MPP4: variants seen among roughly 807,000 people sequenced by gnomAD.
MPP4 encodes MAGUK p55 subfamily member 4.
Under a neutral mutation model 98.3 loss-of-function variants are expected in MPP4, and 91 were observed. The ratio of observed to expected loss-of-function variants is 0.93; its 90% confidence interval spans 0.78 to 1.10. The LOEUF (loss-of-function observed/expected upper bound fraction) is 1.10, where lower values mean the gene tolerates loss of function less well. Among genes scored for constraint, MPP4 ranks in the 50% least tolerant of loss-of-function variants. The pLI is 0.00. For synonymous variants in MPP4, 261 were observed against 271.8 expected (o/e 0.96, Z 0.39); for missense variants, 744 against 792.9 (o/e 0.94, Z 0.74).
intron 3 of MPP4, among the ~76,000 whole-genome samples, chr2:201,691,078 G>A (rs1045288675): frequency 6.6e-6 from 1 of 152,204 alleles, no homozygotes; most frequent in African/African-American, 2.4e-5. Flanking sequence ...CCGCATTCAG[G>A]TTTACCTGGA....
chr2:201,681,563 A>C lies in MPP4; in HGVS notation c.665T>G (p.Met222Arg), dbSNP rs374067574. Residue 222 changes from methionine (M) to arginine (R), a missense_variant, in exon 9 of 22, where the codon ATG (methionine) becomes AGG (arginine). Met to Arg is a moderately conservative substitution (Grantham distance 91). Coordinates refer to ENST00000409474, the MANE Select transcript of MPP4 (RefSeq NM_033066.3). The part of the protein sequence containing the change: ...DPEQVIHILA[M>R]SRGTIMFKVV... ...CTTGAACATGATTGTGCCTCGAGAC[A>C]TGGCCTGGAAAATAAGAGAGGAGAA... 1 of 1,612,846 alleles carries C rather than the reference A, an allele frequency of 6.2e-7. No homozygotes were observed. Among genetic ancestry groups the C allele is most frequent in the African/African-American group, 1.3e-5 (1 of 74,870 alleles).
intron 13 of MPP4, 162 bp from the exon 14 acceptor site, chr2:201,664,263 CAT>C: frequency 6.7e-7 from 1 of 1,482,380 alleles, no homozygotes; most frequent in Non-Finnish European, 9.1e-7. Flanking sequence ...GTCTCTATGG[CAT>C]ATATCAGCTT....
In MPP4 at chr2:201,693,858, A is replaced by G; in HGVS notation, c.79+18T>C. ...ATATTACTTTCTGGTCTAGAAAAGG[A>G]GTCCTGGTGACACATACCATTCTGT... On this transcript the variant is annotated intron_variant, in intron 2 of 21. Coordinates refer to ENST00000409474, the MANE Select transcript of MPP4 (RefSeq NM_033066.3). 1.2e-6 allele frequency: 2 copies of G among 1,613,838 alleles called. No individual in the cohort carries two copies. The highest frequency in any genetic ancestry group is 1.7e-6 in the Non-Finnish European group (2 of 1,179,706).
rs992621762 is a variant in MPP4 at position 201,666,382 on chromosome 2, A to T, written c.1013-10T>A. 8 of 1,531,678 alleles carry T rather than the reference A, an allele frequency of 5.2e-6. No individual in the cohort carries two copies. Among genetic ancestry groups the T allele is most frequent in the Non-Finnish European group, 7.0e-6 (8 of 1,136,578 alleles). The allele number at this position is 1,531,678 out of a possible 1,614,324, so 94.9% of individuals were successfully genotyped here. On this transcript the variant is annotated splice_polypyrimidine_tract_variant and intron_variant, in intron 12 of 21. Coordinates refer to ENST00000409474, the MANE Select transcript of MPP4 (RefSeq NM_033066.3). ...ATCTTCATGTCATCTTCTATAAAAG[A>T]GTATAGAAAGGGAGAAACAGAATTT...
chr2:201,663,149 T>C (rs557211837), intron 14 of MPP4, among the ~76,000 whole-genome samples: 6 of 152,372 alleles, frequency 3.9e-5, no homozygotes, highest in Non-Finnish European at 5.9e-5. Context: ...GTAATGACTG[T>C]CTTCTAAACC....
At chr2:201,664,296 C>A in intron 13 of MPP4, 195 bp from the exon 14 acceptor site, 1 of 1,462,038 alleles carries the variant, frequency 6.8e-7, no homozygotes, top group Non-Finnish European at 9.2e-7. Flanking sequence ...ACATGGTATT[C>A]GGCAGTTGAG....
rs1198026392 is a variant in MPP4 at position 201,666,364 on chromosome 2, T to C, written c.1021A>G (p.Met341Val). Reference protein sequence around the residue: ...LSISMEEEDDMKIDEKCVEAD... With the variant: ...LSISMEEEDDVKIDEKCVEAD... ...TCCACACATTTCTCATCAATCTTCATGTCATCTTCTATAAAAGAGTATAGA... is the reference window on the plus strand; with the variant it reads ...TCCACACATTTCTCATCAATCTTCACGTCATCTTCTATAAAAGAGTATAGA... The change falls in exon 13 of 22, where the codon ATG becomes GTG. Residue 341 changes from methionine (M) to valine (V), a missense_variant. Physicochemically the swap from Met to Val is conservative, Grantham distance 21. Transcript: ENST00000409474. 4 of 1,554,026 alleles carry C rather than the reference T, an allele frequency of 2.6e-6. No individual in the cohort carries two copies. The highest frequency in any genetic ancestry group is 2.6e-6 in the Non-Finnish European group (3 of 1,149,172).
chr2:201,657,403 G>T (rs1464516605), intron 16 of MPP4, among the ~76,000 whole-genome samples: 1 of 152,106 alleles, frequency 6.6e-6, no homozygotes, highest in Non-Finnish European at 1.5e-5. Flanking sequence ...AGTAGACAGA[G>T]TTAGCAACTC....
At chr2:201,698,405 G>C (rs919641410) in intron 1 of MPP4, among the ~76,000 whole-genome samples, 182 bp downstream of exon 1, 4 of 152,094 alleles carry the variant, frequency 2.6e-5, no homozygotes, top group Non-Finnish European at 2.9e-5. Flanking sequence ...ATGGCTTCTC[G>C]AAGCAAAACC....
At chr2:201,660,864 C>T (rs1018946858) in intron 14 of MPP4, among the ~76,000 whole-genome samples, 3 of 152,090 alleles carry the variant, frequency 2.0e-5, no homozygotes, top group Admixed American at 6.6e-5. Flanking sequence ...ACAGAGGAAA[C>T]CAAATACAAA....
At position 201,694,523 on chromosome 2, in the gene MPP4, C is replaced by T. The variant is rs147644532; in HGVS notation, c.-100-469G>A. Reference sequence around the variant, plus strand: ...TTGGAATTTAGAGACAACACTGTAACGATCTGTTGTTTTGTTTTGTTTCTA... The same window carrying T: ...TTGGAATTTAGAGACAACACTGTAATGATCTGTTGTTTTGTTTTGTTTCTA... On this transcript the variant is annotated intron_variant, in intron 1 of 21. Coordinates refer to ENST00000409474, the MANE Select transcript of MPP4 (RefSeq NM_033066.3). Among the ~76,000 whole-genome samples, 1,260 of 151,072 alleles carry T rather than the reference C, an allele frequency of 8.3e-3. 16 individuals carry two copies. Among genetic ancestry groups the T allele is most frequent in the African/African-American group, 0.029 (1,205 of 41,114 alleles).
chr2:201,682,027 C>A (rs753572234), intron 8 of MPP4, among the ~76,000 whole-genome samples: 6 of 152,126 alleles, frequency 3.9e-5, no homozygotes, highest in Non-Finnish European at 8.8e-5. Context: ...GAACTGACAA[C>A]CTTCCAAACT....
At chr2:201,692,764 T>A in intron 3 of MPP4, 144 bp downstream of exon 3, 1 of 1,251,020 alleles carries the variant, frequency 8.0e-7, no homozygotes, top group South Asian at 1.5e-5. Context: ...TTGGACTTCC[T>A]GGCCTACAGA....
At chr2:201,689,726 G>A (rs1688950065) in intron 4 of MPP4, among the ~76,000 whole-genome samples, 1 of 152,158 alleles carries the variant, frequency 6.6e-6, no homozygotes, top group South Asian at 2.1e-4. Flanking sequence ...TTCTGAGATA[G>A]AAAAGGCTTC....
intron 1 of MPP4, chr2:201,698,025 T>C: frequency 3.0e-6 from 3 of 985,414 alleles, no homozygotes; most frequent in Non-Finnish European, 3.6e-6. Flanking sequence ...AGACTGCAAA[T>C]AAGTAAGCAC....
At chr2:201,678,669 C>T (rs766903610) in intron 10 of MPP4, among the ~76,000 whole-genome samples, 3 of 152,118 alleles carry the variant, frequency 2.0e-5, no homozygotes, top group Non-Finnish European at 4.4e-5. Context: ...AGATGGCTCG[C>T]GTCACATGGC....
chr2:201,661,456 C>G, intron 14 of MPP4: 1 of 456,590 alleles, frequency 2.2e-6, no homozygotes, highest in South Asian at 1.5e-5. Context: ...CTTAATTGAG[C>G]TCCTCAGAGA....
At chr2:201,681,200 G>T (rs1050956197) in intron 9 of MPP4, among the ~76,000 whole-genome samples, 166 bp from the exon 10 acceptor site, 1 of 152,174 alleles carries the variant, frequency 6.6e-6, no homozygotes, top group Non-Finnish European at 1.5e-5. Context: ...CGCCTCCTGA[G>T]CCTAAGTACC....
In MPP4 at chr2:201,647,771, G is replaced by C. The variant is rs920917305; in HGVS notation, c.1639C>G (p.Pro547Ala). Reference protein sequence around the residue: ...ELKPYVIFIKPSNMRCMKQSR... With the variant: ...ELKPYVIFIKASNMRCMKQSR... Reference sequence around the variant, plus strand: ...TGTTTCATACACCTCATATTCGATGGCTTTATAAATATGACATAGGGCTTC... The same window carrying C: ...TGTTTCATACACCTCATATTCGATGCCTTTATAAATATGACATAGGGCTTC... Residue 547 changes from proline to alanine, a missense_variant, in exon 21 of 22, where the codon CCA (proline) becomes GCA (alanine). By Grantham distance (27) the Pro-to-Ala change is conservative. Coordinates refer to ENST00000409474, the MANE Select transcript of MPP4 (RefSeq NM_033066.3). 6.2e-7 allele frequency: 1 copy of C among 1,613,748 alleles called. No homozygotes were observed. Among genetic ancestry groups the C allele is most frequent in the Non-Finnish European group, 8.5e-7 (1 of 1,179,708 alleles).
Sources: gnomAD v4.1 joint callset for allele counts (sites outside exome capture counted in the v4.1 genomes callset) on GRCh38, gnomAD v4.1.1 for gene constraint, MANE v1.5 for transcripts, NCBI Gene and HGNC (gene_info 2026-07-23, HGNC 2026-07-21) for gene names.